The following MN1 variants were observed in gnomAD, a reference collection of about 807,000 sequenced individuals.
MN1 encodes transcriptional activator MN1.
In MN1, 19 loss-of-function variants were observed where a neutral mutation model predicts 86.9. That is an observed-to-expected ratio of 0.22 (90% CI 0.15 to 0.32). The LOEUF (loss-of-function observed/expected upper bound fraction) is 0.32, where lower values mean the gene tolerates loss of function less well. Among genes scored for constraint, MN1 ranks in the 10% least tolerant of loss-of-function variants. The probability of loss-of-function intolerance (pLI) is 1.00; values close to 1 mark genes in which losing one functional copy is unlikely to be tolerated. For missense variants in MN1, 1,841 were observed against 1,862.0 expected, an observed-to-expected ratio of 0.99 and a Z score of 0.21; for synonymous variants, 928 against 849.6, an observed-to-expected ratio of 1.09 and a Z score of -1.60.
chr22:27,800,972 C>T lies in MN1; in HGVS notation c.-429G>A. The T allele has an allele frequency of 3.3e-6, 1 of 307,150 alleles. No individual in the cohort carries two copies. Among genetic ancestry groups the T allele is most frequent in the South Asian group, 5.4e-5 (1 of 18,370 alleles). 19.0% of individuals were successfully genotyped at this position (307,150 alleles called of 1,614,324 possible). On this transcript the variant is annotated 5_prime_UTR_variant, in exon 1 of 2. Transcript: ENST00000302326. ...CCGATTGGGTCTGCTGGGGAGCCCT[C>T]AGGACGCCGCCCGCAGCCTCCCGGA...
At position 27,797,874 on chromosome 22, in the gene MN1, G is replaced by C; in HGVS notation, c.2670C>G (p.Pro890=). The C allele has an allele frequency of 1.3e-6, 2 of 1,590,834 alleles. No homozygotes were observed. The highest frequency in any genetic ancestry group is 2.2e-5 in the East Asian group (1 of 44,522). Residue 890 remains proline (P), a synonymous_variant, in exon 1 of 2, where the codon CCC becomes CCG. Transcript: ENST00000302326. ...PGGTAPGAPG[P]GGPSGTSSSG... is the part of the protein sequence containing the mutation. The stretch of plus-strand genomic sequence containing the variant: ...TGCTACTGGTCCCGGACGGGCCTCC[G>C]GGTCCTGGGGCCCCAGGAGCAGTCC...
chr22:27,750,847 G>A lies in MN1; in HGVS notation c.*68C>T, dbSNP rs1447158693. 1.4e-6 allele frequency: 2 copies of A among 1,406,594 alleles called. No homozygotes were observed. Among genetic ancestry groups the A allele is most frequent in the East Asian group, 2.4e-5 (1 of 41,556 alleles). The allele number at this position is 1,406,594 out of a possible 1,614,324, so 87.1% of individuals were successfully genotyped here. ...CAAATTAACAGAGGGGTGGGGTAAG[G>A]TTGAGGGGGAAGGAAACAGACAGGG... On this transcript the variant is annotated 3_prime_UTR_variant, in exon 2 of 2. Transcript: ENST00000302326.
chr22:27,752,334 A>G (rs944692489), intron 1 of MN1, among the ~76,000 whole-genome samples: 1 of 152,184 alleles, frequency 6.6e-6, no homozygotes, highest in Non-Finnish European at 1.5e-5. Context: ...AGCAGGAGAG[A>G]CAGAGAATCT....
At chr22:27,768,849 T>C (rs1932890535) in intron 1 of MN1, among the ~76,000 whole-genome samples, 1 of 152,154 alleles carries the variant, frequency 6.6e-6, no homozygotes, top group Non-Finnish European at 1.5e-5. Context: ...TCCTCATTCA[T>C]GACTAGCAAT....
chr22:27,792,592 A>G (rs1329074383), intron 1 of MN1, among the ~76,000 whole-genome samples: 2 of 152,068 alleles, frequency 1.3e-5, no homozygotes, highest in Non-Finnish European at 2.9e-5. Flanking sequence ...GAAATATTAA[A>G]CAAGCACCAA....
At chr22:27,768,979 T>C (rs1227523874) in intron 1 of MN1, among the ~76,000 whole-genome samples, 1 of 152,170 alleles carries the variant, frequency 6.6e-6, no homozygotes, top group Non-Finnish European at 1.5e-5. Flanking sequence ...AAAAATAATC[T>C]ACAAAGTCTC....
In MN1 at chr22:27,750,983, G is replaced by A. The variant is rs1376477525; in HGVS notation, c.3895C>T (p.Pro1299Ser). ...TCAGAATGCAGGGACCGCCAGGTGGGCACGGAGGCTCGAGCCTTGGCGTCA... is the reference window on the plus strand; with the variant it reads ...TCAGAATGCAGGGACCGCCAGGTGGACACGGAGGCTCGAGCCTTGGCGTCA... Reference protein sequence around the residue: ...VGDAKARASVPTWRSLHSDIS... With the variant: ...VGDAKARASVSTWRSLHSDIS... The change falls in exon 2 of 2, where the codon CCC becomes TCC. Residue 1299 changes from proline (P) to serine (S), a missense_variant. By Grantham distance (74) the Pro-to-Ser change is moderately conservative. Coordinates refer to ENST00000302326, the MANE Select transcript of MN1 (RefSeq NM_002430.3). The A allele has an allele frequency of 6.2e-7, 1 of 1,613,052 alleles. No homozygotes were observed. Among genetic ancestry groups the A allele is most frequent in the Non-Finnish European group, 8.5e-7 (1 of 1,179,432 alleles).
Position 27,799,175 on chromosome 22 carries a change from G to T in MN1, c.1369C>A (p.Pro457Thr), listed in dbSNP as rs907624224. ...GCGCTGCCCGGAAAGTCGAAGCGCG[G>T]CCTCTTGGCCACGTTCATGTAGGGG... is the stretch of plus-strand genomic sequence containing the variant. ...APPYMNVAKR[P>T]RFDFPGSAGV... Residue 457 changes from proline (P) to threonine (T), a missense_variant, in exon 1 of 2, where the codon CCG (proline) becomes ACG (threonine). By Grantham distance (38) the Pro-to-Thr change is conservative. Transcript: ENST00000302326. 12 of 1,606,488 alleles carry T rather than the reference G, an allele frequency of 7.5e-6. No individual in the cohort carries two copies. The highest frequency in any genetic ancestry group is 8.5e-6 in the Non-Finnish European group (10 of 1,174,886).
At position 27,797,353 on chromosome 22, in the gene MN1, T is replaced by C. The variant is rs777577575; in HGVS notation, c.3191A>G (p.Asp1064Gly). ...CGCTTTAACTAGTGCCTGGGGGTTG[T>C]CAGAGCTGGACGACACCTCGTCCTC... ...ANEDEVSSSS[D>G]NPQALVKASR... The change falls in exon 1 of 2, where the codon GAC becomes GGC. Residue 1064 changes from aspartate (D) to glycine (G), a missense_variant. Asp to Gly is a moderately conservative substitution (Grantham distance 94). Transcript: ENST00000302326. The C allele has an allele frequency of 1.2e-6, 2 of 1,608,686 alleles. No individual in the cohort carries two copies. The highest frequency in any genetic ancestry group is 1.7e-6 in the Non-Finnish European group (2 of 1,179,904).
chr22:27,801,638 T>G lies in MN1; in HGVS notation c.-1095A>C. 2 of 151,786 alleles carry G rather than the reference T, an allele frequency of 1.3e-5. No homozygotes were observed. The highest frequency in any genetic ancestry group is 6.8e-5 in the Admixed American group (1 of 14,730). 9.4% of individuals were successfully genotyped at this position (151,786 alleles called of 1,614,324 possible). A position where few individuals can be genotyped will look rare whatever the true frequency, so the allele number is the denominator to read the frequency against. On this transcript the variant is annotated 5_prime_UTR_variant, in exon 1 of 2. Transcript: ENST00000302326. Reference sequence around the variant, plus strand: ...GGGGGGAGGGGGGCGCGGGGGCAGCTCTGGGGGGTCTGCGCACCCCTCTCC... The same window carrying G: ...GGGGGGAGGGGGGCGCGGGGGCAGCGCTGGGGGGTCTGCGCACCCCTCTCC...
rs1242456786 is a variant in MN1, at chr22:27,799,103, C to G, written c.1441G>C (p.Ala481Pro). ...ASWNGSMHNGALDNHLSPSAY... is the reference protein window; with the variant it reads ...ASWNGSMHNGPLDNHLSPSAY... ...GAAGGGGAGAGGTGATTATCCAGAG[C>G]GCCGTTGTGCATGCTGCCGTTCCAC... is the stretch of plus-strand genomic sequence containing the variant. The change falls in exon 1 of 2, where the codon GCT becomes CCT. Residue 481 changes from alanine to proline, a missense_variant. Ala to Pro is a conservative substitution (Grantham distance 27). Transcript: ENST00000302326. 2.5e-6 allele frequency: 4 copies of G among 1,604,556 alleles called. No homozygotes were observed. The highest frequency in any genetic ancestry group is 3.4e-6 in the Non-Finnish European group (4 of 1,173,734).
chr22:27,799,692 G>A lies in MN1; in HGVS notation c.852C>T (p.Gly284=). Residue 284 remains glycine, a synonymous_variant, in exon 1 of 2, where the codon GGC becomes GGT. Coordinates refer to ENST00000302326, the MANE Select transcript of MN1 (RefSeq NM_002430.3). ...GTGGCTGGGCGTGCATTTTGGACAA[G>A]CCCACCATGCCCGCAGCTCTGGGCA... ...SAMPRAAGMV[G]LSKMHAQPPQ... is the part of the protein sequence containing the mutation. 1 of 1,557,536 alleles carries A rather than the reference G, an allele frequency of 6.4e-7. No individual in the cohort carries two copies. The highest frequency in any genetic ancestry group is 8.7e-7 in the Non-Finnish European group (1 of 1,151,560).
In MN1 at chr22:27,792,351, T is replaced by TATATATAA. The variant is rs1350212376; in HGVS notation, c.3781+4411_3781+4412insTTATATAT. ...ATATATATATATATATATATATATA[T>TATATATAA]GAATATATAAATATATTTTGCATAT... On this transcript the variant is annotated intron_variant, in intron 1 of 1. Transcript: ENST00000302326. Among the ~76,000 whole-genome samples, 289 of 109,146 alleles carry TATATATAA rather than the reference T, an allele frequency of 2.6e-3. 2 individuals are homozygous for TATATATAA. The highest frequency in any genetic ancestry group is 5.8e-3 in the Middle Eastern group (1 of 172). 71.6% of individuals were successfully genotyped at this position (109,146 alleles called of 152,430 possible).
chr22:27,800,514 C>G lies in MN1; in HGVS notation c.30G>C (p.Gln10His), dbSNP rs776436401. ...CCTGGCCAGCGTTCCTGCTGTTGAC[C>G]TGGGGCTCGAATTGGTCCAGCCCAA... MFGLDQFEP[Q>H]VNSRNAGQGE... Residue 10 changes from glutamine (Q) to histidine (H), a missense_variant, in exon 1 of 2, where the codon CAG (glutamine) becomes CAC (histidine). Physicochemically the swap from Gln to His is conservative, Grantham distance 24 (BLOSUM62 0). Coordinates refer to ENST00000302326, the MANE Select transcript of MN1 (RefSeq NM_002430.3). The G allele has an allele frequency of 6.2e-7, 1 of 1,614,202 alleles. No homozygotes were observed. Among genetic ancestry groups the G allele is most frequent in the South Asian group, 1.1e-5 (1 of 91,092 alleles).
In MN1 at chr22:27,797,493, G is replaced by A; in HGVS notation, c.3051C>T (p.Leu1017=). ...SPSWGKGAEL[L]LGDQPDLIGS... Reference sequence around the variant, plus strand: ...CAATGAGGTCCGGCTGATCCCCCAGGAGCAACTCAGCCCCCTTCCCCCAGG... The same window carrying A: ...CAATGAGGTCCGGCTGATCCCCCAGAAGCAACTCAGCCCCCTTCCCCCAGG... The change falls in exon 1 of 2, where the codon CTC becomes CTT. Residue 1017 remains leucine (L), a synonymous_variant. Transcript: ENST00000302326. The A allele has an allele frequency of 6.2e-7, 1 of 1,601,432 alleles. No homozygotes were observed. Among genetic ancestry groups the A allele is most frequent in the Non-Finnish European group, 8.5e-7 (1 of 1,174,052 alleles).
Position 27,749,860 on chromosome 22 carries a change from A to T in MN1, c.*1055T>A, listed in dbSNP as rs1932746246. 4.3e-6 allele frequency: 1 copy of T among 230,418 alleles called. No individual in the cohort carries two copies. The highest frequency in any genetic ancestry group is 5.7e-5 in the Admixed American group (1 of 17,654). 14.3% of individuals were successfully genotyped at this position (230,418 alleles called of 1,614,324 possible). A position where few individuals can be genotyped will look rare whatever the true frequency, so the allele number is the denominator to read the frequency against. ...GGGGATGGAATGGGAGAGGTGGAGGAGATACACGCAGTCCCCTCCTTCTTC... is the reference window on the plus strand; with the variant it reads ...GGGGATGGAATGGGAGAGGTGGAGGTGATACACGCAGTCCCCTCCTTCTTC... On this transcript the variant is annotated 3_prime_UTR_variant, in exon 2 of 2. Coordinates refer to ENST00000302326, the MANE Select transcript of MN1 (RefSeq NM_002430.3).
rs1473498209 is a variant in MN1 at position 27,799,634 on chromosome 22, G to GCT, written c.909_910insAG (p.Gln304SerfsTer35). On this transcript the variant is annotated frameshift_variant, in exon 1 of 2. Coordinates refer to ENST00000302326, the MANE Select transcript of MN1 (RefSeq NM_002430.3). LOFTEE classifies it high-confidence loss of function. Reference sequence around the variant, plus strand: ...ACACCATGCTGCTGCTGCTGCTGCTGGGGCTGCTGCTGCTGCTGGGGCTGC... The same window carrying GCT: ...ACACCATGCTGCTGCTGCTGCTGCTGCTGGGCTGCTGCTGCTGCTGGGGCTGC... The GCT allele has an allele frequency of 3.7e-5, 57 of 1,547,050 alleles. No homozygotes were observed. The highest frequency in any genetic ancestry group is 4.7e-5 in the Non-Finnish European group (54 of 1,145,080).
At chr22:27,771,026 T>C (rs1398859162) in intron 1 of MN1, among the ~76,000 whole-genome samples, 1 of 152,022 alleles carries the variant, frequency 6.6e-6, no homozygotes, top group African/African-American at 2.4e-5. Flanking sequence ...ATAATAGTCA[T>C]TGGGTCCATT....
intron 1 of MN1, among the ~76,000 whole-genome samples, chr22:27,776,598 A>C (rs1601332554): frequency 1.3e-5 from 2 of 149,528 alleles, no homozygotes; most frequent in African/African-American, 2.5e-5. Context: ...TTTTTCCCCC[A>C]CCCTCTCCCT....
Sources: allele counts gnomAD v4.1 joint callset (sites outside exome capture counted in the v4.1 genomes callset), GRCh38; gene constraint gnomAD v4.1.1; transcripts MANE v1.5; gene names NCBI Gene and HGNC (gene_info 2026-07-23, HGNC 2026-07-21).